Variants in SULF2 observed in about 807,000 individuals in gnomAD.
The protein encoded by SULF2 is extracellular sulfatase Sulf-2.
Under a neutral mutation model 107.7 loss-of-function variants are expected in SULF2, and 52 were observed. The observed-to-expected ratio is 0.48, with a 90% CI of 0.39 to 0.61. The LOEUF is 0.61. Ranked by LOEUF, SULF2 falls within the 20% of genes least tolerant of loss-of-function variation. SULF2 has a pLI of 0.00. For missense variants in SULF2, 993 were observed against 1,177.3 expected (o/e 0.84, Z 2.29); for synonymous variants, 460 against 464.3 (o/e 0.99, Z 0.12).
rs1253277439 is a variant in SULF2, at chr20:47,666,346, G to A, written c.1719C>T (p.Asp573=). The A allele has an allele frequency of 4.3e-6, 7 of 1,614,228 alleles. No individual in the cohort carries two copies. The highest frequency in any genetic ancestry group is 1.6e-4 in the Middle Eastern group (1 of 6,062). ...AGTCCCCACCATCCTTGTCATCTTG[G>A]TCCTCAGGGGCCCCTGGCCAGTGCC... The part of the protein sequence containing the change: ...TKRHWPGAPE[D]QDDKDGGDFS... Residue 573 remains aspartate (D), a synonymous_variant, in exon 12 of 21, where the codon GAC becomes GAT. Transcript: ENST00000688720. The surrounding 1 kb of genome is among the most constrained non-coding windows in gnomAD (Gnocchi z 5.4).
At chr20:47,697,004 C>T (rs186669629) in intron 4 of SULF2, among the ~76,000 whole-genome samples, 17 of 152,294 alleles carry the variant, frequency 1.1e-4, no homozygotes, top group East Asian at 7.7e-4. Context: ...GAAGTGTACA[C>T]GCTGCGGCAA....
At chr20:47,777,979 A>C (rs1193475927) in intron 1 of SULF2, among the ~76,000 whole-genome samples, 4 of 151,848 alleles carry the variant, frequency 2.6e-5, no homozygotes, top group Non-Finnish European at 4.4e-5. Context: ...CTACCAAAAA[A>C]AAAAAAAAAA....
At chr20:47,752,565 T>TAAAA (rs11319849) in intron 2 of SULF2, among the ~76,000 whole-genome samples, 1 of 132,134 alleles carries the variant, frequency 7.6e-6, no homozygotes. Flanking sequence ...AGCCCATCTC[T>TAAAA]AAAAAAAAAA....
chr20:47,754,061 A>G (rs924725814), intron 2 of SULF2, among the ~76,000 whole-genome samples: 11 of 152,230 alleles, frequency 7.2e-5, no homozygotes, highest in African/African-American at 2.2e-4. Flanking sequence ...GATAATTCCA[A>G]ATGACAGCTT....
At position 47,697,759 on chromosome 20, in the gene SULF2, C is replaced by T. The variant is rs189661711; in HGVS notation, c.567+4760G>A. On this transcript the variant is annotated intron_variant, in intron 4 of 20. Coordinates refer to ENST00000688720, the MANE Select transcript of SULF2 (RefSeq NM_001387048.1). ...GTGGGCAGGAAACAGGGCAAAAGGA[C>T]GGACGTTCTATGTCCCCATGCTTAG... 1.6e-3 allele frequency among the ~76,000 whole-genome samples: 247 copies of T among 152,318 alleles called. 1 individual carries two copies. The highest frequency in any genetic ancestry group is 5.8e-3 in the African/African-American group (240 of 41,566).
chr20:47,683,054 T>C lies in SULF2; in HGVS notation c.1004A>G (p.Tyr335Cys). The C allele has an allele frequency of 6.2e-7, 1 of 1,613,634 alleles. No individual in the cohort carries two copies. Among genetic ancestry groups the C allele is most frequent in the Non-Finnish European group, 8.5e-7 (1 of 1,179,902 alleles). ...GAACGGGACCCTGATGTCAAACTCATATGGCATGGATTTCCCTTTCACCAG... is the reference window on the plus strand; with the variant it reads ...GAACGGGACCCTGATGTCAAACTCACATGGCATGGATTTCCCTTTCACCAG... ...FGLVKGKSMP[Y>C]EFDIRVPFYV... is the part of the protein sequence containing the mutation. The change falls in exon 7 of 21, where the codon TAT becomes TGT. Residue 335 changes from tyrosine to cysteine, a missense_variant. By Grantham distance (194) the Tyr-to-Cys change is radical (BLOSUM62 -2). This residue lies in a region of SULF2 where 108 missense variants were observed against 183.9 expected (regional missense o/e 0.59). Coordinates refer to ENST00000688720, the MANE Select transcript of SULF2 (RefSeq NM_001387048.1).
At chr20:47,746,398 T>C (rs1240615904) in intron 2 of SULF2, among the ~76,000 whole-genome samples, 1 of 152,208 alleles carries the variant, frequency 6.6e-6, no homozygotes, top group Non-Finnish European at 1.5e-5. Flanking sequence ...CACTGACCTC[T>C]GGCTACTGGT....
At position 47,771,274 on chromosome 20, in the gene SULF2, C is replaced by T. The variant is rs541052631; in HGVS notation, c.-100-13811G>A. On this transcript the variant is annotated intron_variant, in intron 1 of 20. Coordinates refer to ENST00000688720, the MANE Select transcript of SULF2 (RefSeq NM_001387048.1). ...ACATGACCCAAGGGTGTTAAAGCCACGATGTCAGGTCCAGGGGGTTCTGAG... is the reference window on the plus strand; with the variant it reads ...ACATGACCCAAGGGTGTTAAAGCCATGATGTCAGGTCCAGGGGGTTCTGAG... Among the ~76,000 whole-genome samples, 12 of 150,582 alleles carry T rather than the reference C, an allele frequency of 8.0e-5. No individual in the cohort carries two copies. The South Asian group carries it at 8.5e-4, about 11-fold the overall frequency.
intron 1 of SULF2, among the ~76,000 whole-genome samples, chr20:47,763,752 T>C (rs6125107): frequency 0.26 from 39,141 of 152,108 alleles, 5,506 homozygotes; most frequent in Non-Finnish European, 0.32. Flanking sequence ...TGTTCAGTGA[T>C]AGGAGAATCC....
intron 1 of SULF2, among the ~76,000 whole-genome samples, chr20:47,769,535 A>C (rs962652212): frequency 6.6e-6 from 1 of 151,902 alleles, no homozygotes; most frequent in Admixed American, 6.6e-5. Context: ...CCTCCACCAG[A>C]AGCTCGCATG....
At chr20:47,695,067 C>T (rs537364422) in intron 4 of SULF2, among the ~76,000 whole-genome samples, 1 of 152,328 alleles carries the variant, frequency 6.6e-6, no homozygotes, top group South Asian at 2.1e-4. Flanking sequence ...AGCAAGTATG[C>T]ACAAACCGTT....
intron 2 of SULF2, among the ~76,000 whole-genome samples, chr20:47,739,085 C>G (rs1347306382): frequency 1.3e-5 from 2 of 152,162 alleles, no homozygotes; most frequent in African/African-American, 4.8e-5. Context: ...AGGAAGGGCT[C>G]TCCCCTAGAG....
intron 1 of SULF2, among the ~76,000 whole-genome samples, chr20:47,767,720 A>G (rs1252050925): frequency 6.6e-6 from 1 of 152,166 alleles, no homozygotes; most frequent in Admixed American, 6.5e-5. Context: ...GCTTGCAGTG[A>G]GCCGAGATTG....
chr20:47,691,679 A>G (rs977191427), intron 4 of SULF2, among the ~76,000 whole-genome samples: 2 of 152,218 alleles, frequency 1.3e-5, no homozygotes, highest in Non-Finnish European at 2.9e-5. Flanking sequence ...CCTTGGAAAG[A>G]GGATAAAATG....
chr20:47,701,968 A>G (rs576737408), intron 4 of SULF2, among the ~76,000 whole-genome samples: 1 of 152,230 alleles, frequency 6.6e-6, no homozygotes, highest in Non-Finnish European at 1.5e-5. Context: ...CACTCTGTGT[A>G]TGTACTTTCT....
chr20:47,726,075 G>C (rs1410131969), intron 3 of SULF2, among the ~76,000 whole-genome samples: 1 of 152,134 alleles, frequency 6.6e-6, no homozygotes, highest in Non-Finnish European at 1.5e-5. Flanking sequence ...GAGGAGATTG[G>C]ATTACAGATG....
chr20:47,779,169 C>T (rs2090777385), intron 1 of SULF2, among the ~76,000 whole-genome samples: 1 of 152,192 alleles, frequency 6.6e-6, no homozygotes, highest in East Asian at 1.9e-4. Context: ...AATATTTGGG[C>T]TGAATCATTT....
At chr20:47,708,466 T>G (rs1370306091) in intron 3 of SULF2, among the ~76,000 whole-genome samples, 4 of 152,208 alleles carry the variant, frequency 2.6e-5, no homozygotes, top group Non-Finnish European at 5.9e-5. Context: ...GTACCGCTCC[T>G]GGAACATTGC....
intron 2 of SULF2, among the ~76,000 whole-genome samples, chr20:47,753,246 C>A (rs1230753974): frequency 6.6e-6 from 1 of 152,178 alleles, no homozygotes; most frequent in African/African-American, 2.4e-5. Context: ...AAAATGAGCA[C>A]TGGGGAATCC....
Sources: gnomAD v4.1 joint callset for allele counts (sites outside exome capture counted in the v4.1 genomes callset) on GRCh38, gnomAD v4.1.1 for gene constraint, gnomAD v4.1.1 regional missense constraint, Gnocchi (gnomAD v3.1) non-coding constraint, MANE v1.5 for transcripts, NCBI Gene and HGNC (gene_info 2026-07-23, HGNC 2026-07-21) for gene names.